The following HACD3 variants were observed in gnomAD, a reference collection of about 807,000 sequenced individuals.
HACD3 encodes very-long-chain (3R)-3-hydroxyacyl-CoA dehydratase 3.
In HACD3, 30 loss-of-function variants were observed where a neutral mutation model predicts 55.2. The ratio of observed to expected loss-of-function variants is 0.54; its 90% CI spans 0.41 to 0.74. The LOEUF (loss-of-function observed/expected upper bound fraction) is 0.74. HACD3 is among the 30% of genes least tolerant of loss of function. HACD3 has a pLI of 0.00. For synonymous variants in HACD3, 141 were observed against 151.7 expected, an observed-to-expected ratio of 0.93 and a Z score of 0.52; for missense variants, 363 against 440.1, an observed-to-expected ratio of 0.82 and a Z score of 1.57.
chr15:65,572,925 A>T (rs551310851), intron 10 of HACD3, among the ~76,000 whole-genome samples: 10 of 146,652 alleles, frequency 6.8e-5, no homozygotes, highest in Non-Finnish European at 1.0e-4. Flanking sequence ...AAAAAAAAAA[A>T]AAAAATAAAT....
intron 1 of HACD3, among the ~76,000 whole-genome samples, chr15:65,538,656 G>A (rs2071987553): frequency 2.0e-5 from 3 of 152,222 alleles, no homozygotes; most frequent in Admixed American, 2.0e-4. Flanking sequence ...AGTATACTCT[G>A]ATTTTAAAAG....
chr15:65,550,083 C>T (rs1263404847), intron 1 of HACD3, among the ~76,000 whole-genome samples: 2 of 152,138 alleles, frequency 1.3e-5, no homozygotes, highest in Non-Finnish European at 2.9e-5. Flanking sequence ...GAAGATACAA[C>T]AATATTAAGT....
intron 1 of HACD3, among the ~76,000 whole-genome samples, chr15:65,546,832 T>A (rs1440509627): frequency 2.0e-5 from 3 of 151,818 alleles, no homozygotes; most frequent in Non-Finnish European, 4.4e-5. Context: ...AGTTTTGGGG[T>A]TCCCCGGCAG....
At chr15:65,549,426 GAAAAAAAAAAAAA>G (rs34149100) in intron 1 of HACD3, among the ~76,000 whole-genome samples, 8 of 111,054 alleles carry the variant, frequency 7.2e-5, no homozygotes, top group African/African-American at 1.3e-4. Flanking sequence ...TCTCTGCTGG[GAAAAAAAAAAAAA>G]AAAAAAAAAA....
intron 1 of HACD3, among the ~76,000 whole-genome samples, chr15:65,548,810 C>T (rs1020950870): frequency 2.6e-5 from 4 of 152,148 alleles, no homozygotes; most frequent in Admixed American, 6.5e-5. Flanking sequence ...AAGTGATCTT[C>T]CTGCGTAGGC....
intron 7 of HACD3, chr15:65,565,410 C>A (rs1415420092): frequency 6.6e-6 from 1 of 152,326 alleles, no homozygotes; most frequent in Non-Finnish European, 1.5e-5. Flanking sequence ...AGGGCCCCAT[C>A]CCTGCAGCAA....
intron 5 of HACD3, among the ~76,000 whole-genome samples, chr15:65,560,850 A>T (rs1280463340): frequency 4.0e-5 from 6 of 150,802 alleles, no homozygotes; most frequent in African/African-American, 1.5e-4. Context: ...TTATCCATGT[A>T]GACTAGCTTG....
Position 65,561,668 on chromosome 15 carries a change from T to C in HACD3, c.422-1106T>C, listed in dbSNP as rs540816760. On this transcript the variant is annotated intron_variant, in intron 5 of 10. Coordinates refer to ENST00000261875, the MANE Select transcript of HACD3 (RefSeq NM_016395.4). Reference sequence around the variant, plus strand: ...TCTGTGACCAAGTGGGTGGGTTTTTTCCCCCACATACCAAGCAAGCAATGA... The same window carrying C: ...TCTGTGACCAAGTGGGTGGGTTTTTCCCCCCACATACCAAGCAAGCAATGA... Among the ~76,000 whole-genome samples the C allele has an allele frequency of 1.1e-3, 162 of 152,158 alleles. 1 individual carries two copies. Among genetic ancestry groups the C allele is most frequent in the African/African-American group, 3.4e-3 (140 of 41,496 alleles).
chr15:65,545,549 T>G (rs1364581809), intron 1 of HACD3, among the ~76,000 whole-genome samples: 2 of 151,624 alleles, frequency 1.3e-5, no homozygotes, highest in African/African-American at 4.8e-5. Flanking sequence ...GTTCACGCCA[T>G]TCTCCTGCCT....
At chr15:65,557,028 CTGG>C in intron 4 of HACD3, 125 bp downstream of exon 4, 1 of 943,924 alleles carries the variant, frequency 1.1e-6, no homozygotes, top group Non-Finnish European at 1.5e-6. Context: ...ATTTAAAGAC[CTGG>C]TGATGTGATT....
In HACD3 at chr15:65,558,631, T is replaced by C. The variant is rs369947328; in HGVS notation, c.370-49T>C. 7.2e-4 allele frequency: 1,097 copies of C among 1,533,428 alleles called. 1 individual carries two copies. The highest frequency in any genetic ancestry group is 9.1e-4 in the Non-Finnish European group (1,029 of 1,127,450). The allele number at this position is 1,533,428 out of a possible 1,614,324, so 95.0% of individuals were successfully genotyped here. ...GCCAGCATATGGACTTTTGCAAGCA[T>C]CTGGGAATTCTAACTTGTGTTCTTG... On this transcript the variant is annotated intron_variant, in intron 4 of 10. Transcript: ENST00000261875.
At chr15:65,537,944 AAAAAAAAAAAAAAAATATATATATATAT>A (rs1382078391) in intron 1 of HACD3, among the ~76,000 whole-genome samples, 12 of 23,904 alleles carry the variant, frequency 5.0e-4, no homozygotes, top group African/African-American at 1.8e-3. Context: ...GAAAAAAAAA[AAAAAAAAAAAAAAAATATATATATATAT>A]ATATATATAT....
intron 1 of HACD3, among the ~76,000 whole-genome samples, chr15:65,533,923 G>A: frequency 6.6e-6 from 1 of 151,830 alleles, no homozygotes; most frequent in East Asian, 1.9e-4. Flanking sequence ...GTGGTGGCGG[G>A]CGCCTATAGT....
chr15:65,534,852 A>C (rs1287855040), intron 1 of HACD3, among the ~76,000 whole-genome samples: 1 of 152,222 alleles, frequency 6.6e-6, no homozygotes, highest in Admixed American at 6.5e-5. Context: ...GTGCTTTGCA[A>C]ATTCTAGTGT....
intron 1 of HACD3, 38 bp downstream of exon 1, chr15:65,530,756 C>T: frequency 6.6e-7 from 1 of 1,516,072 alleles, no homozygotes; most frequent in Non-Finnish European, 8.9e-7. Flanking sequence ...CGCGCGGGAT[C>T]GCGGCTCCGG....
At chr15:65,554,785 A>C in intron 2 of HACD3, 102 bp from the exon 3 acceptor site, 1 of 783,538 alleles carries the variant, frequency 1.3e-6, no homozygotes. Context: ...AAAAAAAAAA[A>C]AGTGTAATAT....
intron 6 of HACD3, among the ~76,000 whole-genome samples, chr15:65,563,950 C>T (rs1018281963): frequency 1.3e-5 from 2 of 150,782 alleles, no homozygotes; most frequent in African/African-American, 2.4e-5. Flanking sequence ...AGCCTGGTGA[C>T]AGAGTAAGAC....
rs2072404392 is a variant in HACD3 at position 65,576,654 on chromosome 15, AGTCT to A, written c.*280_*283del. The A allele has an allele frequency of 4.1e-5, 19 of 460,856 alleles. No individual in the cohort carries two copies. The South Asian group carries it at 4.6e-4, about 11-fold the overall frequency. 28.5% of individuals were successfully genotyped at this position (460,856 alleles called of 1,614,324 possible). On this transcript the variant is annotated 3_prime_UTR_variant, in exon 11 of 11. Coordinates refer to ENST00000261875, the MANE Select transcript of HACD3 (RefSeq NM_016395.4). The stretch of plus-strand genomic sequence containing the variant: ...CCCACCCCAACCCTATCTCATGTTC[AGTCT>A]GTCTAATACATGCCAGAGATTTTTT...
intron 8 of HACD3, 102 bp from the exon 9 acceptor site, chr15:65,571,446 A>G (rs1382668557): frequency 1.6e-5 from 13 of 821,664 alleles, no homozygotes; most frequent in Non-Finnish European, 2.2e-5. Context: ...TGAAGAAGCC[A>G]TGTGTGGCTG....
Sources: gnomAD v4.1 joint callset for allele counts (sites outside exome capture counted in the v4.1 genomes callset) on GRCh38, gnomAD v4.1.1 for gene constraint, MANE v1.5 for transcripts, NCBI Gene and HGNC (gene_info 2026-07-23, HGNC 2026-07-21) for gene names.